Variants in ARHGAP31 observed in about 807,000 individuals in gnomAD.
ARHGAP31 encodes rho GTPase-activating protein 31.
A neutral mutation model predicts 113.9 loss-of-function variants in ARHGAP31; 34 were observed. The observed-to-expected ratio is 0.30, with a 90% CI of 0.23 to 0.40. ARHGAP31 has a LOEUF of 0.40. Ranked by LOEUF, ARHGAP31 falls within the 10% of genes least tolerant of loss-of-function variation. ARHGAP31 has a pLI of 1.00. For synonymous variants in ARHGAP31, 650 were observed against 684.8 expected (o/e 0.95, Z 0.79); for missense variants, 1,548 against 1,767.1 (o/e 0.88, Z 2.22).
rs1217489561 is a variant in ARHGAP31, at chr3:119,399,190, T to C, written c.1007-9T>C. On this transcript the variant is annotated splice_polypyrimidine_tract_variant and intron_variant, in intron 8 of 11. Coordinates refer to ENST00000264245, the MANE Select transcript of ARHGAP31 (RefSeq NM_020754.4). ...CATTCATCAAGGATATTTTTTCTTT[T>C]GTCTTTAGTGGAAAAGGCTACTATC... is the stretch of plus-strand genomic sequence containing the variant. The C allele has an allele frequency of 1.2e-6, 2 of 1,612,628 alleles. No homozygotes were observed. The highest frequency in any genetic ancestry group is 1.7e-6 in the Non-Finnish European group (2 of 1,178,726).
intron 1 of ARHGAP31, among the ~76,000 whole-genome samples, chr3:119,332,497 G>A (rs207463657): frequency 6.6e-6 from 1 of 151,938 alleles, no homozygotes; most frequent in Non-Finnish European, 1.5e-5. Context: ...CCACCGCACC[G>A]GCCGGATTCC....
In ARHGAP31 at chr3:119,294,420, T is replaced by C. The variant is rs1383569722; in HGVS notation, c.-485T>C. 1 of 402,280 alleles carries C rather than the reference T, an allele frequency of 2.5e-6. No homozygotes were observed. Among genetic ancestry groups the C allele is most frequent in the East Asian group, 3.6e-5 (1 of 28,096 alleles). 24.9% of individuals were successfully genotyped at this position (402,280 alleles called of 1,614,324 possible). A position where few individuals can be genotyped will look rare whatever the true frequency, so the allele number is the denominator to read the frequency against. ...GCGGGCAGCAGCGACAGGATGCTTG[T>C]TTTTCGCTCTACCAAAGTCGTCTGA... On this transcript the variant is annotated 5_prime_UTR_variant, in exon 1 of 12. Coordinates refer to ENST00000264245, the MANE Select transcript of ARHGAP31 (RefSeq NM_020754.4).
intron 1 of ARHGAP31, chr3:119,314,755 T>C (rs1236837412): frequency 6.6e-6 from 1 of 152,230 alleles, no homozygotes; most frequent in Admixed American, 6.5e-5. Flanking sequence ...ACTTTCTGTT[T>C]CTCAATTTCT....
intron 1 of ARHGAP31, among the ~76,000 whole-genome samples, chr3:119,300,041 C>T (rs980390688): frequency 2.2e-4 from 33 of 152,230 alleles, no homozygotes; most frequent in African/African-American, 6.0e-4. Flanking sequence ...CCTCCTGAGG[C>T]AGGTGCCCCT....
chr3:119,415,439 T>C lies in ARHGAP31; in HGVS notation c.3510T>C (p.His1170=), dbSNP rs2080766213. 8.1e-6 allele frequency: 13 copies of C among 1,614,046 alleles called. No homozygotes were observed. The highest frequency in any genetic ancestry group is 1.0e-5 in the Non-Finnish European group (12 of 1,180,024). ...QDPQDLDIVA[H]ALTGRRNSAP... is the part of the protein sequence containing the mutation. ...CCCAGGACCTGGACATTGTTGCTCA[T>C]GCACTGACAGGCCGCCGTAACTCAG... The change falls in exon 12 of 12, where the codon CAT becomes CAC. Residue 1170 remains histidine, a synonymous_variant. Coordinates refer to ENST00000264245, the MANE Select transcript of ARHGAP31 (RefSeq NM_020754.4).
intron 1 of ARHGAP31, among the ~76,000 whole-genome samples, chr3:119,336,977 T>A (rs1407518400): frequency 1.3e-5 from 2 of 152,264 alleles, no homozygotes; most frequent in South Asian, 4.1e-4. Flanking sequence ...TTAAAGCTTA[T>A]GTTAGTACTT....
chr3:119,377,049 T>C (rs16829773), intron 3 of ARHGAP31, among the ~76,000 whole-genome samples: 5,572 of 152,324 alleles, frequency 0.037, 223 homozygotes, highest in African/African-American at 0.097. Flanking sequence ...AGCAGTGTTC[T>C]GGAAGTGTGG....
At chr3:119,383,745 A>G (rs2080423919) in intron 6 of ARHGAP31, among the ~76,000 whole-genome samples, 2 of 152,192 alleles carry the variant, frequency 1.3e-5, no homozygotes, top group South Asian at 4.1e-4. Context: ...GTTCTGCGCT[A>G]TGCCAGGCAG....
intron 11 of ARHGAP31, among the ~76,000 whole-genome samples, chr3:119,411,609 C>T (rs6796981): frequency 0.28 from 42,190 of 151,982 alleles, 6,763 homozygotes; most frequent in African/African-American, 0.44. Flanking sequence ...TAGTAATATC[C>T]CAGTTAATGT....
chr3:119,338,884 A>G (rs2079982841), intron 1 of ARHGAP31, among the ~76,000 whole-genome samples: 1 of 152,222 alleles, frequency 6.6e-6, no homozygotes, highest in Non-Finnish European at 1.5e-5. Flanking sequence ...AAGATGACCA[A>G]GTTATTTAGG....
intron 1 of ARHGAP31, among the ~76,000 whole-genome samples, chr3:119,348,767 CT>C (rs1314685179): frequency 1.3e-5 from 2 of 151,950 alleles, no homozygotes; most frequent in Non-Finnish European, 1.5e-5. Context: ...CACAGCCATC[CT>C]TTTTTTTCTG....
chr3:119,384,740 A>G (rs776970175), intron 6 of ARHGAP31, among the ~76,000 whole-genome samples: 1 of 152,180 alleles, frequency 6.6e-6, no homozygotes, highest in African/African-American at 2.4e-5. Context: ...TTGGGGATCA[A>G]GTTCCCAACA....
chr3:119,364,954 C>T (rs1319466852), intron 1 of ARHGAP31, among the ~76,000 whole-genome samples: 3 of 152,104 alleles, frequency 2.0e-5, no homozygotes, highest in East Asian at 3.9e-4. Flanking sequence ...ATTAGCTTGG[C>T]GTGGTGGCGG....
At chr3:119,322,844 G>A in intron 1 of ARHGAP31, 1 of 153,332 alleles carries the variant, frequency 6.5e-6, no homozygotes, top group Non-Finnish European at 1.5e-5. Flanking sequence ...AGGGGGAGGG[G>A]GAGAGGGGCT....
chr3:119,316,045 G>A (rs534274182), intron 1 of ARHGAP31, among the ~76,000 whole-genome samples: 1 of 152,270 alleles, frequency 6.6e-6, no homozygotes, highest in East Asian at 1.9e-4. Flanking sequence ...CCAAATCTGT[G>A]GCCTTTACTA....
At chr3:119,335,481 A>G (rs2079936375) in intron 1 of ARHGAP31, among the ~76,000 whole-genome samples, 1 of 152,158 alleles carries the variant, frequency 6.6e-6, no homozygotes, top group East Asian at 1.9e-4. Flanking sequence ...AGGAGCCCCT[A>G]GGCCAGGGCA....
At position 119,415,532 on chromosome 3, in the gene ARHGAP31, A is replaced by T; in HGVS notation, c.3603A>T (p.Pro1201=). ...MVKMCQARAV[P]VIPPKIQYTQ... is the part of the protein sequence containing the mutation. ...AAATGTGCCAGGCCAGGGCGGTCCC[A>T]GTCATCCCTCCCAAGATTCAGTACA... Residue 1201 remains proline, a synonymous_variant, in exon 12 of 12, where the codon CCA becomes CCT. Transcript: ENST00000264245. 1 of 1,614,176 alleles carries T rather than the reference A, an allele frequency of 6.2e-7. No individual in the cohort carries two copies. The highest frequency in any genetic ancestry group is 8.5e-7 in the Non-Finnish European group (1 of 1,180,024).
Position 119,409,661 on chromosome 3 carries a change from A to G in ARHGAP31, c.1811A>G (p.Lys604Arg), listed in dbSNP as rs1214280093. The G allele has an allele frequency of 1.2e-6, 2 of 1,612,596 alleles. No individual in the cohort carries two copies. The highest frequency in any genetic ancestry group is 2.2e-5 in the South Asian group (2 of 90,818). The change falls in exon 11 of 12, where the codon AAG (lysine) becomes AGG (arginine). Residue 604 changes from lysine (K) to arginine (R), a missense_variant. Lys to Arg is a conservative substitution (Grantham distance 26, BLOSUM62 2). Coordinates refer to ENST00000264245, the MANE Select transcript of ARHGAP31 (RefSeq NM_020754.4). ...TCTCAACATTTAAATGAATTAGAGA[A>G]GAGGCCAAATCCGGAGAAGGTGGTG... ...LSSQHLNELE[K>R]RPNPEKVVEE...
chr3:119,378,719 G>C (rs1299077226), intron 3 of ARHGAP31, among the ~76,000 whole-genome samples: 1 of 152,066 alleles, frequency 6.6e-6, no homozygotes, highest in Non-Finnish European at 1.5e-5. Flanking sequence ...CGGCTCCCCA[G>C]CTCCCCATTG....
Sources: allele counts gnomAD v4.1 joint callset (sites outside exome capture counted in the v4.1 genomes callset), GRCh38; gene constraint gnomAD v4.1.1; transcripts MANE v1.5; gene names NCBI Gene and HGNC (gene_info 2026-07-23, HGNC 2026-07-21).